DIP2A: variants seen among roughly 807,000 people sequenced by gnomAD.
The protein encoded by DIP2A is DIP2 acetate--CoA ligase A.
Under a neutral mutation model 177.4 loss-of-function variants are expected in DIP2A, and 85 were observed. That is an observed-to-expected ratio of 0.48 (90% CI 0.40 to 0.57). The LOEUF (loss-of-function observed/expected upper bound fraction) is 0.57. Among genes scored for constraint, DIP2A ranks in the 20% least tolerant of loss-of-function variants. DIP2A has a pLI of 0.00. For missense variants in DIP2A, 1,791 were observed against 2,100.2 expected (o/e 0.85, Z 2.88); for synonymous variants, 886 against 881.8 (o/e 1.00, Z -0.08).
intron 1 of DIP2A, among the ~76,000 whole-genome samples, chr21:46,467,963 T>G (rs2054988587): frequency 6.6e-6 from 1 of 151,934 alleles, no homozygotes; most frequent in Non-Finnish European, 1.5e-5. Flanking sequence ...CCATCTCTGC[T>G]AAAAAATATG....
intron 1 of DIP2A, among the ~76,000 whole-genome samples, chr21:46,463,653 C>T (rs950505646): frequency 1.3e-5 from 2 of 149,724 alleles, no homozygotes; most frequent in Non-Finnish European, 1.5e-5. Context: ...CTTTAACTGT[C>T]TTTAATTTCT....
intron 37 of DIP2A, 77 bp downstream of exon 37, chr21:46,566,760 G>A (rs886511316): frequency 6.3e-7 from 1 of 1,586,080 alleles, no homozygotes; most frequent in African/African-American, 1.3e-5. Context: ...TGCATCGGTT[G>A]GAGCAGAGCA....
At chr21:46,525,043 G>C (rs1395610756) in intron 8 of DIP2A, among the ~76,000 whole-genome samples, 1 of 151,648 alleles carries the variant, frequency 6.6e-6, no homozygotes, top group Non-Finnish European at 1.5e-5. Flanking sequence ...GCACCACCAG[G>C]CCTGGCTAAT....
rs1386903107 is a variant in DIP2A at position 46,547,048 on chromosome 21, G to A, written c.2522+6G>A. ...AAGTTTGTCTACAGAGGCAGGTGAT[G>A]CGCTGCGGACCCCCACGCCGGGAGT... On this transcript the variant is annotated splice_donor_region_variant and intron_variant, in intron 21 of 37. Coordinates refer to ENST00000417564, the MANE Select transcript of DIP2A (RefSeq NM_015151.4). 14 of 1,613,234 alleles carry A rather than the reference G, an allele frequency of 8.7e-6. No individual in the cohort carries two copies. The highest frequency in any genetic ancestry group is 1.1e-5 in the Non-Finnish European group (13 of 1,179,378).
downstream of DIP2A, among the ~76,000 whole-genome samples, chr21:46,571,866 C>T (rs1319707909): frequency 6.6e-6 from 1 of 152,204 alleles, no homozygotes; most frequent in South Asian, 2.1e-4. Context: ...TTGACTTCCT[C>T]TTTTCCTATT....
intron 5 of DIP2A, among the ~76,000 whole-genome samples, chr21:46,502,903 C>T (rs1275013204): frequency 1.3e-5 from 2 of 152,166 alleles, no homozygotes; most frequent in Admixed American, 1.3e-4. Context: ...GCATTCTGAA[C>T]AGATAGATGG....
Position 46,541,910 on chromosome 21 carries a change from C to T in DIP2A, c.2176+15C>T. ...GATGCCTGGAGGTAAGAGACATAACCAGAGTGGGTCTTTGTCCATGACTGA... is the reference window on the plus strand; with the variant it reads ...GATGCCTGGAGGTAAGAGACATAACTAGAGTGGGTCTTTGTCCATGACTGA... On this transcript the variant is annotated intron_variant, in intron 18 of 37. Transcript: ENST00000417564. 1 of 1,613,866 alleles carries T rather than the reference C, an allele frequency of 6.2e-7. No individual in the cohort carries two copies. The highest frequency in any genetic ancestry group is 8.5e-7 in the Non-Finnish European group (1 of 1,179,816).
At chr21:46,528,075 T>C (rs1247749111) in intron 8 of DIP2A, among the ~76,000 whole-genome samples, 1 of 152,248 alleles carries the variant, frequency 6.6e-6, no homozygotes, top group East Asian at 1.9e-4. Context: ...TCCTGGGCCC[T>C]GTGCCTGGCG....
Position 46,560,775 on chromosome 21 carries a change from C to T in DIP2A, c.4023C>T (p.Arg1341=), listed in dbSNP as rs761910030. 5.6e-6 allele frequency: 9 copies of T among 1,606,168 alleles called. No individual in the cohort carries two copies. Among genetic ancestry groups the T allele is most frequent in the Non-Finnish European group, 6.8e-6 (8 of 1,176,612 alleles). Residue 1341 remains arginine, a synonymous_variant, in exon 33 of 38, where the codon CGC becomes CGT. Coordinates refer to ENST00000417564, the MANE Select transcript of DIP2A (RefSeq NM_015151.4). ...TTVYVDMRAL[R]HDRVRLVERG... ...TCTACGTGGACATGCGGGCACTGCG[C>T]CATGACAGGTAATGCTCCCAGCCTG...
intron 1 of DIP2A, among the ~76,000 whole-genome samples, chr21:46,464,252 G>A (rs1419320960): frequency 6.6e-6 from 1 of 151,852 alleles, no homozygotes; most frequent in African/African-American, 2.4e-5. Flanking sequence ...AATTAGCCGG[G>A]CGTGGTGGCG....
chr21:46,493,135 T>G (rs577950285), intron 3 of DIP2A, among the ~76,000 whole-genome samples: 1 of 152,294 alleles, frequency 6.6e-6, no homozygotes, highest in African/African-American at 2.4e-5. Flanking sequence ...CCACTTAGTT[T>G]ATGCTGTTTT....
chr21:46,575,557 A>C, the DIP2A span, among the ~76,000 whole-genome samples: 5 of 152,246 alleles, frequency 3.3e-5, no homozygotes, highest in African/African-American at 1.2e-4. Flanking sequence ...TAAATTTAGC[A>C]ACATAGCAGG....
chr21:46,487,385 A>G (rs183702637), intron 2 of DIP2A, among the ~76,000 whole-genome samples: 228 of 152,370 alleles, frequency 1.5e-3, no homozygotes, highest in Non-Finnish European at 2.5e-3. Context: ...AATCACCAGC[A>G]ATCATCAAAC....
chr21:46,471,383 G>C (rs367628834), intron 1 of DIP2A, among the ~76,000 whole-genome samples: 2 of 152,234 alleles, frequency 1.3e-5, no homozygotes, highest in East Asian at 3.9e-4. Flanking sequence ...AAAATTGAGA[G>C]AAAGGTACGG....
Position 46,563,453 on chromosome 21 carries a change from G to A in DIP2A, c.4090-405G>A, listed in dbSNP as rs1008673840. On this transcript the variant is annotated intron_variant, in intron 34 of 37. Coordinates refer to ENST00000417564, the MANE Select transcript of DIP2A (RefSeq NM_015151.4). This position sits in a 1 kb window ranked among gnomAD's most constrained non-coding sequence, Gnocchi z 4.3. ...ACTGACTCGGAGTCACGGGCAGGAA[G>A]AACTTCCTCATGGTCAGGTTCCTGG... Among the ~76,000 whole-genome samples, 1 of 152,208 alleles carries A rather than the reference G, an allele frequency of 6.6e-6. No homozygotes were observed. Among genetic ancestry groups the A allele is most frequent in the Admixed American group, 6.5e-5 (1 of 15,292 alleles).
the DIP2A span, among the ~76,000 whole-genome samples, chr21:46,577,558 A>G: frequency 6.6e-6 from 1 of 152,140 alleles, no homozygotes. Context: ...TTGAAGTCCA[A>G]TAGCATGATG....
At chr21:46,550,060 C>T (rs1297004917) in intron 22 of DIP2A, 175 bp downstream of exon 22, 1 of 1,404,680 alleles carries the variant, frequency 7.1e-7, no homozygotes, top group Non-Finnish European at 9.3e-7. Context: ...TTACGGGATA[C>T]AAAGTGATGT....
intron 6 of DIP2A, among the ~76,000 whole-genome samples, chr21:46,508,109 C>A (rs1057221910): frequency 6.6e-6 from 1 of 151,624 alleles, no homozygotes; most frequent in Non-Finnish European, 1.5e-5. Context: ...TCATGGCTCA[C>A]TGTAGCCTGA....
At position 46,551,810 on chromosome 21, in the gene DIP2A, G is replaced by A. The variant is rs139664063; in HGVS notation, c.2950-14G>A. The A allele has an allele frequency of 1.5e-4, 244 of 1,612,598 alleles. No homozygotes were observed. In the African/African-American group the frequency reaches 1.6e-3, roughly 10 times the overall value. On this transcript the variant is annotated splice_polypyrimidine_tract_variant and intron_variant, in intron 24 of 37. Transcript: ENST00000417564. ...CCCCGGAGGCGCCAGTGAGCAAGTC[G>A]CCCTCTCGTGCAGTTCCTGTTCCTG... is the stretch of plus-strand genomic sequence containing the variant.
Sources: allele counts gnomAD v4.1 joint callset (sites outside exome capture counted in the v4.1 genomes callset), GRCh38; gene constraint gnomAD v4.1.1; non-coding constraint Gnocchi (gnomAD v3.1); transcripts MANE v1.5; gene names NCBI Gene and HGNC (gene_info 2026-07-23, HGNC 2026-07-21).